PLCD3: variants seen among roughly 807,000 people sequenced by gnomAD.
The protein encoded by PLCD3 is phospholipase C delta 3.
PLCD3 carries 62 observed loss-of-function variants against 82.8 expected under a neutral mutation model. The observed-to-expected ratio is 0.75, with a 90% CI of 0.61 to 0.93. The LOEUF (loss-of-function observed/expected upper bound fraction) is 0.93, where lower values mean the gene tolerates loss of function less well. Among genes scored for constraint, PLCD3 ranks in the 40% least tolerant of loss-of-function variants. The pLI is 0.00. For missense variants in PLCD3, 1,023 were observed against 1,103.4 expected (o/e 0.93, Z 1.03); for synonymous variants, 478 against 471.8 (o/e 1.01, Z -0.17).
In PLCD3 at chr17:45,112,372, G is replaced by T; in HGVS notation, c.*244C>A. ...GGTGGGCTGAGGACAAGAGGAGCTG[G>T]GGCCATCTCAGGGCCCCAGGGTTGG... On this transcript the variant is annotated 3_prime_UTR_variant, in exon 15 of 15. Coordinates refer to ENST00000619929, the MANE Select transcript of PLCD3 (RefSeq NM_133373.5). 1.8e-6 allele frequency: 1 copy of T among 549,250 alleles called. No homozygotes were observed. The highest frequency in any genetic ancestry group is 3.3e-6 in the Non-Finnish European group (1 of 305,016). The allele number at this position is 549,250 out of a possible 1,614,324, so 34.0% of individuals were successfully genotyped here. A position where few individuals can be genotyped will look rare whatever the true frequency, so the allele number is the denominator to read the frequency against.
chr17:45,113,643 G>C (rs550852081), intron 11 of PLCD3, 38 bp from the exon 12 acceptor site: 1 of 1,546,476 alleles, frequency 6.5e-7, no homozygotes, highest in Non-Finnish European at 8.7e-7. Flanking sequence ...GGCTCTTAGC[G>C]GCCCTGTTCT....
chr17:45,118,799 G>A lies in PLCD3; in HGVS notation c.913+16C>T, dbSNP rs79747798. The A allele has an allele frequency of 6.6e-3, 10,584 of 1,592,130 alleles. 556 individuals are homozygous for A. In the African/African-American group the frequency reaches 0.12, roughly 18 times the overall value. On this transcript the variant is annotated intron_variant, in intron 5 of 14. Transcript: ENST00000619929. This position sits in a 1 kb window ranked among gnomAD's most constrained non-coding sequence, Gnocchi z 4.1. Reference sequence around the variant, plus strand: ...CCCTTTCAGGTGCCACGACCTGGCCGTGCCACCCCCCCCACCTGTCTCGTT... The same window carrying A: ...CCCTTTCAGGTGCCACGACCTGGCCATGCCACCCCCCCCACCTGTCTCGTT...
At chr17:45,124,296 C>A (rs552098149) in intron 1 of PLCD3, among the ~76,000 whole-genome samples, 1 of 152,278 alleles carries the variant, frequency 6.6e-6, no homozygotes, top group African/African-American at 2.4e-5. Context: ...ACTGGGCCCC[C>A]ACTTGGGCAG....
Position 45,118,544 on chromosome 17 carries a change from C to T in PLCD3, c.914-52G>A. 6.3e-7 allele frequency: 1 copy of T among 1,592,246 alleles called. No homozygotes were observed. Among genetic ancestry groups the T allele is most frequent in the Non-Finnish European group, 8.6e-7 (1 of 1,163,736 alleles). On this transcript the variant is annotated intron_variant, in intron 5 of 14. Transcript: ENST00000619929. This position sits in a 1 kb window ranked among gnomAD's most constrained non-coding sequence, Gnocchi z 4.1. The stretch of plus-strand genomic sequence containing the variant: ...AGGCCACATAGGGATCCCCCATGTC[C>T]AGCTTCCAATGCCCCCAAGGCCCAC...
chr17:45,114,882 G>C (rs1458527567), intron 10 of PLCD3, among the ~76,000 whole-genome samples: 1 of 151,998 alleles, frequency 6.6e-6, no homozygotes, highest in African/African-American at 2.4e-5. Flanking sequence ...CCACCACAGG[G>C]CTCTGAAGGC....
intron 14 of PLCD3, 42 bp downstream of exon 14, chr17:45,112,821 C>T (rs969411498): frequency 7.5e-6 from 12 of 1,608,444 alleles, no homozygotes; most frequent in Admixed American, 5.1e-5. Context: ...TCTGCAGGAC[C>T]TGGACCCACA....
At position 45,115,511 on chromosome 17, in the gene PLCD3, G is replaced by A. The variant is rs1379172160; in HGVS notation, c.1414-21C>T. On this transcript the variant is annotated intron_variant, in intron 8 of 14. Transcript: ENST00000619929. ...AGCTGCTGTGGGGGCCAACGTGGAG[G>A]ATGAAGGGTTAGGCCTTCTCGCCCC... 5.0e-6 allele frequency: 8 copies of A among 1,594,714 alleles called. No individual in the cohort carries two copies. In the African/African-American group the frequency reaches 6.7e-5, roughly 13 times the overall value.
At position 45,113,549 on chromosome 17, in the gene PLCD3, G is replaced by C. The variant is rs1162033357; in HGVS notation, c.1885C>G (p.Leu629Val). ...ACGTAGCCACACTGCCCATTGACTA[G>C]GAAGCGCCCGGCATTGAGGTCCATC... Reference protein sequence around the residue: ...YEMDLNAGRFLVNGQCGYVLK... With the variant: ...YEMDLNAGRFVVNGQCGYVLK... Residue 629 changes from leucine to valine, a missense_variant, in exon 12 of 15, where the codon CTA becomes GTA. Physicochemically the swap from Leu to Val is conservative, Grantham distance 32. This residue lies in a region of PLCD3 where 553 missense variants were observed against 655.7 expected (regional missense o/e 0.84). Transcript: ENST00000619929. 4.5e-6 allele frequency: 7 copies of C among 1,562,862 alleles called. No individual in the cohort carries two copies. The highest frequency in any genetic ancestry group is 6.1e-6 in the Non-Finnish European group (7 of 1,153,656).
chr17:45,124,738 C>G (rs2054368388), intron 1 of PLCD3, among the ~76,000 whole-genome samples: 1 of 152,278 alleles, frequency 6.6e-6, no homozygotes, highest in African/African-American at 2.4e-5. Context: ...CTGCTCTGAG[C>G]AGGTGCACAA....
chr17:45,118,625 C>A lies in PLCD3; in HGVS notation c.914-133G>T. ...CTGACTAGACTCCATGTAAGTCATG[C>A]CACTTAACCTTCGACCAGACCCTGG... On this transcript the variant is annotated intron_variant, in intron 5 of 14. Coordinates refer to ENST00000619929, the MANE Select transcript of PLCD3 (RefSeq NM_133373.5). This position sits in a 1 kb window ranked among gnomAD's most constrained non-coding sequence, Gnocchi z 4.1. 8.6e-7 allele frequency: 1 copy of A among 1,163,540 alleles called. No homozygotes were observed. The highest frequency in any genetic ancestry group is 1.5e-5 in the African/African-American group (1 of 65,430). 72.1% of individuals were successfully genotyped at this position (1,163,540 alleles called of 1,614,324 possible). A position where few individuals can be genotyped will look rare whatever the true frequency, so the allele number is the denominator to read the frequency against.
At chr17:45,117,585 T>C (rs957796943) in intron 7 of PLCD3, among the ~76,000 whole-genome samples, 1 of 152,198 alleles carries the variant, frequency 6.6e-6, no homozygotes, top group Non-Finnish European at 1.5e-5. Context: ...ATGTCAGTGA[T>C]GTGAAAACTC....
At chr17:45,123,419 C>T (rs908917153) in intron 1 of PLCD3, among the ~76,000 whole-genome samples, 3 of 152,222 alleles carry the variant, frequency 2.0e-5, no homozygotes, top group Non-Finnish European at 4.4e-5. Context: ...GGTCTTATCT[C>T]CTCACCACAG....
At chr17:45,122,691 G>T (rs2054350765) in intron 1 of PLCD3, among the ~76,000 whole-genome samples, 1 of 152,164 alleles carries the variant, frequency 6.6e-6, no homozygotes, top group Non-Finnish European at 1.5e-5. Context: ...AAATTCAGAG[G>T]TTTCTACAGC....
Position 45,112,954 on chromosome 17 carries a change from T to C in PLCD3, c.2190A>G (p.Ala730=), listed in dbSNP as rs72832860. 0.014 allele frequency: 23,255 copies of C among 1,612,588 alleles called. 247 individuals are homozygous for C. The highest frequency in any genetic ancestry group is 0.035 in the South Asian group (3,152 of 90,832). The part of the protein sequence containing the change: ...LQFQLRAPEL[A]LVRFVVEDYD... ...AATCTTCCACCACAAACCGGACCAG[T>C]GCCAGCTCCGGAGCCCGCAGCTGGA... The change falls in exon 14 of 15, where the codon GCA becomes GCG. Residue 730 remains alanine (A), a synonymous_variant. Coordinates refer to ENST00000619929, the MANE Select transcript of PLCD3 (RefSeq NM_133373.5).
intron 1 of PLCD3, among the ~76,000 whole-genome samples, chr17:45,125,590 C>G (rs1239087001): frequency 1.3e-5 from 2 of 152,146 alleles, no homozygotes; most frequent in African/African-American, 4.8e-5. Flanking sequence ...GGCGAGACTC[C>G]GTCTCAAAAA....
intron 1 of PLCD3, among the ~76,000 whole-genome samples, chr17:45,127,809 TGCGTGTGA>T (rs2054392386): frequency 2.6e-5 from 1 of 37,916 alleles, no homozygotes; most frequent in African/African-American, 1.9e-4. Flanking sequence ...TGTGAGTGTG[TGCGTGTGA>T]GTGTGTGTGT....
Position 45,116,658 on chromosome 17 carries a change from T to A in PLCD3, c.1387A>T (p.Asn463Tyr). The A allele has an allele frequency of 6.2e-7, 1 of 1,603,548 alleles. No homozygotes were observed. The highest frequency in any genetic ancestry group is 1.3e-5 in the African/African-American group (1 of 74,462). ...MLVTQALDSP[N>Y]PEELPSPEQL... is the part of the protein sequence containing the mutation. ...TCTGGGGATGGCAGCTCCTCGGGAT[T>A]TGGGGAGTCCAGCGCCTGTGTCACC... The change falls in exon 8 of 15, where the codon AAT becomes TAT. Residue 463 changes from asparagine (N) to tyrosine (Y), a missense_variant. Asn to Tyr is a moderately radical substitution (Grantham distance 143, BLOSUM62 -2). Transcript: ENST00000619929.
In PLCD3 at chr17:45,118,283, T is replaced by C; in HGVS notation, c.1115+8A>G. The C allele has an allele frequency of 6.2e-7, 1 of 1,613,994 alleles. No individual in the cohort carries two copies. The highest frequency in any genetic ancestry group is 8.5e-7 in the Non-Finnish European group (1 of 1,179,862). ...GCTCCCGGAAACATTCACCCCCTGC[T>C]ACAGTACCTAACATAGGCCTCGGTG... On this transcript the variant is annotated splice_region_variant and intron_variant, in intron 6 of 14. Coordinates refer to ENST00000619929, the MANE Select transcript of PLCD3 (RefSeq NM_133373.5). This position sits in a 1 kb window ranked among gnomAD's most constrained non-coding sequence, Gnocchi z 4.1.
intron 1 of PLCD3, 122 bp from the exon 2 acceptor site, chr17:45,121,494 G>GT: frequency 8.3e-7 from 1 of 1,200,306 alleles, no homozygotes; most frequent in Non-Finnish European, 1.1e-6. Context: ...TCATCCCACA[G>GT]TAAGCTTCCC....
Sources: allele counts gnomAD v4.1 joint callset (sites outside exome capture counted in the v4.1 genomes callset), GRCh38; gene constraint gnomAD v4.1.1; regional missense constraint gnomAD v4.1.1; non-coding constraint Gnocchi (gnomAD v3.1); transcripts MANE v1.5; gene names NCBI Gene and HGNC (gene_info 2026-07-23, HGNC 2026-07-21).